Variants in RORB observed in about 807,000 individuals in gnomAD.
RORB encodes the protein nuclear receptor ROR-beta.
In RORB, 6 loss-of-function variants were observed where a neutral mutation model predicts 59.1. The observed-to-expected ratio is 0.10, with a 90% CI of 0.06 to 0.20. RORB has a LOEUF of 0.20. Ranked by LOEUF, RORB falls within the 10% of genes least tolerant of loss-of-function variation. RORB has a pLI of 1.00. For synonymous variants in RORB, 215 were observed against 204.5 expected (o/e 1.05, Z -0.44); for missense variants, 320 against 560.5 (o/e 0.57, Z 4.33).
At chr9:74,617,060 C>G (rs934707855) in intron 1 of RORB, among the ~76,000 whole-genome samples, 1 of 145,954 alleles carries the variant, frequency 6.9e-6, no homozygotes, top group African/African-American at 2.5e-5. Context: ...TCAGTAATGT[C>G]TTTCTCGTCT....
At chr9:74,652,400 C>T (rs1824008769) in intron 4 of RORB, among the ~76,000 whole-genome samples, 1 of 152,036 alleles carries the variant, frequency 6.6e-6, no homozygotes, top group South Asian at 2.1e-4. Flanking sequence ...GATCAAGACT[C>T]CAACTCAAAA....
chr9:74,639,806 T>C (rs1173428037), intron 3 of RORB, among the ~76,000 whole-genome samples: 1 of 152,224 alleles, frequency 6.6e-6, no homozygotes, highest in Admixed American at 6.5e-5. Flanking sequence ...GGAAGTTCTT[T>C]CTGAATCAAT....
chr9:74,683,001 T>A (rs184271170), intron 9 of RORB, among the ~76,000 whole-genome samples: 2 of 152,212 alleles, frequency 1.3e-5, no homozygotes, highest in African/African-American at 4.8e-5. Flanking sequence ...CTGCAGGGAA[T>A]GTTTGTTTCA....
intron 2 of RORB, among the ~76,000 whole-genome samples, chr9:74,634,298 T>C (rs1823667326): frequency 1.3e-5 from 2 of 152,210 alleles, no homozygotes; most frequent in Admixed American, 1.3e-4. Context: ...GTAATCTCCT[T>C]TGCTACTCCT....
chr9:74,625,439 G>C (rs1185638210), intron 1 of RORB, among the ~76,000 whole-genome samples: 1 of 152,124 alleles, frequency 6.6e-6, no homozygotes, highest in Non-Finnish European at 1.5e-5. Context: ...CATAGCAAGA[G>C]TCTGTCCCTA....
intron 4 of RORB, among the ~76,000 whole-genome samples, chr9:74,655,912 A>G (rs1358075547): frequency 1.3e-5 from 2 of 152,226 alleles, no homozygotes; most frequent in Non-Finnish European, 2.9e-5. Context: ...AGTGAGAGAA[A>G]GTGGTGGAGG....
intron 4 of RORB, among the ~76,000 whole-genome samples, chr9:74,656,770 C>G (rs757479181): frequency 1.3e-5 from 2 of 152,200 alleles, no homozygotes; most frequent in Non-Finnish European, 1.5e-5. Flanking sequence ...ACAGACCATA[C>G]TTTACAGCTC....
At chr9:74,664,379 A>T (rs1403408952) in intron 6 of RORB, among the ~76,000 whole-genome samples, 1 of 152,178 alleles carries the variant, frequency 6.6e-6, no homozygotes, top group East Asian at 1.9e-4. Flanking sequence ...AATCTTTAAC[A>T]TCTCTACCTG....
At chr9:74,553,455 G>T (rs191506370) in intron 1 of RORB, among the ~76,000 whole-genome samples, 1 of 152,156 alleles carries the variant, frequency 6.6e-6, no homozygotes, top group African/African-American at 2.4e-5. Context: ...ATCAGTAACA[G>T]AACTATAACC....
chr9:74,660,545 G>A, intron 4 of RORB, 72 bp from the exon 5 acceptor site: 1 of 1,428,324 alleles, frequency 7.0e-7, no homozygotes, highest in Non-Finnish European at 9.5e-7. Flanking sequence ...CATTCTTATA[G>A]TAAACACATT....
chr9:74,555,050 A>G (rs1338021659), intron 1 of RORB, among the ~76,000 whole-genome samples: 1 of 152,230 alleles, frequency 6.6e-6, no homozygotes, highest in Non-Finnish European at 1.5e-5. Context: ...GAGATCAGTC[A>G]TTAAAACTAG....
intron 4 of RORB, among the ~76,000 whole-genome samples, chr9:74,654,724 G>T (rs978146194): frequency 2.6e-5 from 4 of 152,054 alleles, no homozygotes; most frequent in African/African-American, 9.7e-5. Context: ...ATCCCATAAA[G>T]TTGCTCAATA....
chr9:74,544,144 C>T (rs1337056860), intron 1 of RORB, among the ~76,000 whole-genome samples: 1 of 152,170 alleles, frequency 6.6e-6, no homozygotes, highest in African/African-American at 2.4e-5. Flanking sequence ...TCTGTTGCCG[C>T]CTCCTCCAAA....
chr9:74,525,179 A>T (rs943735821), intron 1 of RORB, among the ~76,000 whole-genome samples: 6 of 151,984 alleles, frequency 3.9e-5, no homozygotes, highest in Non-Finnish European at 8.8e-5. Flanking sequence ...CATTTTATCA[A>T]CTGAATGGAG....
intron 1 of RORB, among the ~76,000 whole-genome samples, chr9:74,545,382 C>T (rs2118145144): frequency 6.6e-6 from 1 of 152,250 alleles, no homozygotes; most frequent in East Asian, 1.9e-4. Flanking sequence ...TTTACACAAA[C>T]AACTGGCCCA....
In RORB at chr9:74,571,343, A is replaced by G. The variant is rs1303102296; in HGVS notation, c.8-58939A>G. Among the ~76,000 whole-genome samples the G allele has an allele frequency of 2.6e-5, 4 of 152,122 alleles. No individual in the cohort carries two copies. In the East Asian group the frequency reaches 5.8e-4, roughly 22 times the overall value. ...ATGAAAATTGATGCATTACAATAGT[A>G]CACAGCAGAGAGTACTCCGGAGCAG... On this transcript the variant is annotated intron_variant, in intron 1 of 9. Coordinates refer to ENST00000376896, the MANE Select transcript of RORB (RefSeq NM_006914.4).
At chr9:74,653,032 G>T (rs1824020993) in intron 4 of RORB, among the ~76,000 whole-genome samples, 1 of 152,162 alleles carries the variant, frequency 6.6e-6, no homozygotes, top group Admixed American at 6.6e-5. Context: ...GTCTTTAAAT[G>T]ACATTGTCTT....
chr9:74,638,683 A>C (rs958506984), intron 3 of RORB, among the ~76,000 whole-genome samples: 14 of 152,252 alleles, frequency 9.2e-5, no homozygotes, highest in African/African-American at 3.1e-4. Context: ...ATGTATTTAC[A>C]AACAGTGAAA....
At chr9:74,589,662 A>C (rs1822856292) in intron 1 of RORB, among the ~76,000 whole-genome samples, 2 of 152,138 alleles carry the variant, frequency 1.3e-5, no homozygotes, top group African/African-American at 4.8e-5. Context: ...ATGTAAACAA[A>C]ATTTAAAAAG....
Sources: gnomAD v4.1 joint callset for allele counts (sites outside exome capture counted in the v4.1 genomes callset) on GRCh38, gnomAD v4.1.1 for gene constraint, MANE v1.5 for transcripts, NCBI Gene and HGNC (gene_info 2026-07-23, HGNC 2026-07-21) for gene names.